The following SPOCK2 variants were observed in gnomAD, a reference collection of about 807,000 sequenced individuals.
SPOCK2 encodes the protein SPARC (osteonectin), cwcv and kazal like domains proteoglycan 2, also known as testican-2.
In SPOCK2, 39 loss-of-function variants were observed where a neutral mutation model predicts 60.1. That is an observed-to-expected ratio of 0.65 (90% CI 0.50 to 0.85). The LOEUF (loss-of-function observed/expected upper bound fraction) is 0.85. SPOCK2 is among the 40% of genes least tolerant of loss of function. The pLI, the probability that SPOCK2 is intolerant of heterozygous loss-of-function variation, is 0.00. For synonymous variants in SPOCK2, 217 were observed against 231.5 expected, an observed-to-expected ratio of 0.94 and a Z score of 0.57; for missense variants, 523 against 567.4, an observed-to-expected ratio of 0.92 and a Z score of 0.80.
At position 72,068,226 on chromosome 10, in the gene SPOCK2, T is replaced by TGGGGCA. The variant is rs773571125; in HGVS notation, c.544_549dup (p.Cys182_Pro183dup). The TGGGGCA allele has an allele frequency of 5.0e-6, 8 of 1,611,000 alleles. No homozygotes were observed. The highest frequency in any genetic ancestry group is 2.2e-5 in the East Asian group (1 of 44,848). On this transcript the variant is annotated inframe_insertion, in exon 6 of 11. Coordinates refer to ENST00000373109, the MANE Select transcript of SPOCK2 (RefSeq NM_001244950.2). ...GCGGTGGAGGTGGCAGCCTGCTCCGTGGGGCAGGGGCAGGGGCCCTCGCAT... is the reference window on the plus strand; with the variant it reads ...GCGGTGGAGGTGGCAGCCTGCTCCGTGGGGCAGGGGCAGGGGCAGGGGCCCTCGCAT...
Position 72,067,014 on chromosome 10 carries a change from G to C in SPOCK2, c.816C>G (p.Ala272=). The change falls in exon 8 of 11, where the codon GCC becomes GCG. Residue 272 remains alanine (A), a synonymous_variant. Transcript: ENST00000373109. Reference sequence around the variant, plus strand: ...AGACCTCGTACTTGTCCAGGTTGATGGCGGCCAGCTCCGTCTGGTCCAGGA... The same window carrying C: ...AGACCTCGTACTTGTCCAGGTTGATCGCGGCCAGCTCCGTCTGGTCCAGGA... ...DLFLDQTELA[A]INLDKYEVCI... 6 of 1,614,220 alleles carry C rather than the reference G, an allele frequency of 3.7e-6. No individual in the cohort carries two copies. The highest frequency in any genetic ancestry group is 5.1e-6 in the Non-Finnish European group (6 of 1,180,038).
At chr10:72,088,082 A>G (rs933443943) in intron 1 of SPOCK2, 58 bp downstream of exon 1, 10 of 1,590,596 alleles carry the variant, frequency 6.3e-6, no homozygotes, top group Non-Finnish European at 8.6e-6. Context: ...CAGACCCCGG[A>G]GCTCAATCCC....
intron 1 of SPOCK2, among the ~76,000 whole-genome samples, chr10:72,080,599 T>G (rs1245556): frequency 6.6e-6 from 1 of 150,394 alleles, no homozygotes; most frequent in Non-Finnish European, 1.5e-5. Context: ...AGTGTCCCTG[T>G]GAGGGGGTGG....
At chr10:72,088,583 T>G, upstream of SPOCK2, 1 of 431,756 alleles carries the variant, frequency 2.3e-6, no homozygotes, top group Middle Eastern at 6.0e-4. Flanking sequence ...GCTGTAACTG[T>G]AGCATCAGCA....
Position 72,062,600 on chromosome 10 carries a change from C to T in SPOCK2, c.*160G>A. On this transcript the variant is annotated 3_prime_UTR_variant, in exon 11 of 11. Coordinates refer to ENST00000373109, the MANE Select transcript of SPOCK2 (RefSeq NM_001244950.2). This position sits in a 1 kb window ranked among gnomAD's most constrained non-coding sequence, Gnocchi z 4.3. Reference sequence around the variant, plus strand: ...GCACTCACACTGTCACCCGTCCCAGCCATCTGTGCCACACACATGCCATGC... The same window carrying T: ...GCACTCACACTGTCACCCGTCCCAGTCATCTGTGCCACACACATGCCATGC... 7.3e-7 allele frequency: 1 copy of T among 1,361,742 alleles called. No individual in the cohort carries two copies. The highest frequency in any genetic ancestry group is 9.9e-7 in the Non-Finnish European group (1 of 1,008,652). 84.4% of individuals were successfully genotyped at this position (1,361,742 alleles called of 1,614,324 possible).
intron 1 of SPOCK2, among the ~76,000 whole-genome samples, chr10:72,085,387 T>C (rs1840841439): frequency 6.6e-6 from 1 of 152,196 alleles, no homozygotes; most frequent in African/African-American, 2.4e-5. Context: ...GGAGGATTAC[T>C]CAACTGGTAA....
intron 1 of SPOCK2, among the ~76,000 whole-genome samples, chr10:72,084,579 C>T (rs546433410): frequency 6.6e-6 from 1 of 152,210 alleles, no homozygotes; most frequent in South Asian, 2.1e-4. Context: ...TCAGAGGACA[C>T]AAGCCAGAGT....
chr10:72,072,715 C>A (rs937411913), intron 2 of SPOCK2, 167 bp from the exon 3 acceptor site: 2 of 1,329,628 alleles, frequency 1.5e-6, no homozygotes, highest in East Asian at 2.5e-5. Context: ...GCCTCCCCCA[C>A]ACCTCTATCC....
In SPOCK2 at chr10:72,062,538, C is replaced by CATTA; in HGVS notation, c.*221_*222insTAAT. 1 of 473,846 alleles carries CATTA rather than the reference C, an allele frequency of 2.1e-6. No homozygotes were observed. Among genetic ancestry groups the CATTA allele is most frequent in the South Asian group, 5.1e-5 (1 of 19,440 alleles). The allele number at this position is 473,846 out of a possible 1,614,324, so 29.4% of individuals were successfully genotyped here. A position where few individuals can be genotyped will look rare whatever the true frequency, so the allele number is the denominator to read the frequency against. On this transcript the variant is annotated 3_prime_UTR_variant, in exon 11 of 11. Transcript: ENST00000373109. The surrounding 1 kb of genome is among the most constrained non-coding windows in gnomAD (Gnocchi z 4.3). ...CAAGGACACATTTGTCAGCGCATGC[C>CATTA]ACACACACACACACATACACACATG...
chr10:72,079,292 G>C (rs192392782), intron 1 of SPOCK2, among the ~76,000 whole-genome samples: 2 of 152,292 alleles, frequency 1.3e-5, no homozygotes, highest in Non-Finnish European at 2.9e-5. Flanking sequence ...CCCAATCCCA[G>C]CCCACAGGTG....
At chr10:72,070,963 C>T (rs918704822) in intron 4 of SPOCK2, among the ~76,000 whole-genome samples, 1 of 152,140 alleles carries the variant, frequency 6.6e-6, no homozygotes, top group African/African-American at 2.4e-5. Context: ...GAAGCAGCTG[C>T]CTGCTTTCCA....
intron 2 of SPOCK2, 165 bp downstream of exon 2, chr10:72,072,737 T>A: frequency 8.1e-6 from 11 of 1,357,540 alleles, no homozygotes; most frequent in Non-Finnish European, 1.1e-5. Context: ...TATAAACCCA[T>A]GTCCAGAATC....
In SPOCK2 at chr10:72,066,938, A is replaced by G. The variant is rs1840576914; in HGVS notation, c.892T>C (p.Ser298Pro). ...SCDTYKDGRV[S>P]TAEWCFCFWR... Reference sequence around the variant, plus strand: ...AAGCAGAAGCACCACTCAGCAGTAGAGACCCGGCCATCCTTGTAGGTGTCA... The same window carrying G: ...AAGCAGAAGCACCACTCAGCAGTAGGGACCCGGCCATCCTTGTAGGTGTCA... The change falls in exon 8 of 11, where the codon TCT becomes CCT. Residue 298 changes from serine to proline, a missense_variant. Physicochemically the swap from Ser to Pro is moderately conservative, Grantham distance 74. Coordinates refer to ENST00000373109, the MANE Select transcript of SPOCK2 (RefSeq NM_001244950.2). The G allele has an allele frequency of 3.1e-6, 5 of 1,614,110 alleles. No individual in the cohort carries two copies. Among genetic ancestry groups the G allele is most frequent in the Non-Finnish European group, 4.2e-6 (5 of 1,180,048 alleles).
In SPOCK2 at chr10:72,070,346, A is replaced by G. The variant is rs1384521382; in HGVS notation, c.440T>C (p.Val147Ala). 1 of 1,614,196 alleles carries G rather than the reference A, an allele frequency of 6.2e-7. No individual in the cohort carries two copies. The highest frequency in any genetic ancestry group is 8.5e-7 in the Non-Finnish European group (1 of 1,180,012). The change falls in exon 5 of 11, where the codon GTC becomes GCC. Residue 147 changes from valine to alanine, a missense_variant. Val to Ala is a moderately conservative substitution (Grantham distance 64, BLOSUM62 0). Coordinates refer to ENST00000373109, the MANE Select transcript of SPOCK2 (RefSeq NM_001244950.2). ...KPCHMAQLAS[V>A]CGSDGHTYSS... The stretch of plus-strand genomic sequence containing the variant: ...GTAAGTGTGGCCATCTGAGCCGCAG[A>G]CAGAGGCAAGCTGGGCCATGTGGCA...
intron 8 of SPOCK2, among the ~76,000 whole-genome samples, chr10:72,064,574 T>C (rs1840542660): frequency 6.6e-6 from 1 of 152,090 alleles, no homozygotes; most frequent in African/African-American, 2.4e-5. Flanking sequence ...GGGAACGTAA[T>C]GCTAGAGGGA....
chr10:72,066,858 C>A, intron 8 of SPOCK2, 44 bp downstream of exon 8: 2 of 1,609,346 alleles, frequency 1.2e-6, no homozygotes, highest in Non-Finnish European at 1.7e-6. Context: ...TCGGGTAGAG[C>A]CCACACGGGT....
rs1480485712 is a variant in SPOCK2, at chr10:72,065,168, T to G, written c.929-928A>C. ...CTCCTGCCTCAGCCTCCCAAGTAGC[T>G]GAGATTACAGGCACCTGCCACCATG... On this transcript the variant is annotated intron_variant, in intron 8 of 10. Coordinates refer to ENST00000373109, the MANE Select transcript of SPOCK2 (RefSeq NM_001244950.2). Among the ~76,000 whole-genome samples, 5 of 128,886 alleles carry G rather than the reference T, an allele frequency of 3.9e-5. 2 individuals carry two copies. The highest frequency in any genetic ancestry group is 9.3e-5 in the Non-Finnish European group (5 of 53,508). 84.6% of individuals were successfully genotyped at this position (128,886 alleles called of 152,430 possible).
chr10:72,066,897 C>A lies in SPOCK2; in HGVS notation c.928+5G>T. The A allele has an allele frequency of 6.2e-7, 1 of 1,614,004 alleles. No homozygotes were observed. Among genetic ancestry groups the A allele is most frequent in the Non-Finnish European group, 8.5e-7 (1 of 1,179,940 alleles). On this transcript the variant is annotated splice_donor_5th_base_variant and intron_variant, in intron 8 of 10. Transcript: ENST00000373109. ...GCAGGGGCCTGGGAGGGGGGCTGCA[C>A]TCACTCTCCCTCCAGAAGCAGAAGC...
chr10:72,077,401 G>A (rs775680675), intron 1 of SPOCK2, among the ~76,000 whole-genome samples: 4 of 152,106 alleles, frequency 2.6e-5, no homozygotes, highest in Non-Finnish European at 4.4e-5. Context: ...AAGCACTGGG[G>A]TTACAGGCAT....
Sources: gnomAD v4.1 joint callset for allele counts (sites outside exome capture counted in the v4.1 genomes callset) on GRCh38, gnomAD v4.1.1 for gene constraint, Gnocchi (gnomAD v3.1) non-coding constraint, MANE v1.5 for transcripts, NCBI Gene and HGNC (gene_info 2026-07-23, HGNC 2026-07-21) for gene names.